Variants in LPIN2 observed in about 807,000 individuals in gnomAD.
The protein encoded by LPIN2 is phosphatidate phosphatase LPIN2.
In LPIN2, 55 loss-of-function variants were observed where a neutral mutation model predicts 111.4. The observed-to-expected ratio is 0.49, with a 90% CI of 0.40 to 0.62. The LOEUF is 0.62. LPIN2 is among the 20% of genes least tolerant of loss of function. LPIN2 has a pLI of 0.00. For synonymous variants in LPIN2, 425 were observed against 414.0 expected, an observed-to-expected ratio of 1.03 and a Z score of -0.32; for missense variants, 992 against 1,112.1, an observed-to-expected ratio of 0.89 and a Z score of 1.54.
intron 2 of LPIN2, among the ~76,000 whole-genome samples, chr18:2,957,375 G>T (rs569127212): frequency 6.6e-6 from 1 of 152,146 alleles, no homozygotes; most frequent in South Asian, 2.1e-4. Flanking sequence ...CACTTCAGAC[G>T]TCAGATTTTC....
intron 1 of LPIN2, among the ~76,000 whole-genome samples, chr18:2,964,555 C>T (rs562595534): frequency 6.6e-4 from 101 of 152,284 alleles, no homozygotes; most frequent in African/African-American, 2.3e-3. Flanking sequence ...AGCAAGAAGT[C>T]TGCAAACCAG....
In LPIN2 at chr18:2,969,958, T is replaced by C. The variant is rs550269910; in HGVS notation, c.-9-9109A>G. The stretch of plus-strand genomic sequence containing the variant: ...AAGTGTGGATCAGAAGTGGAAGCAA[T>C]AGATAGTAATAGAATTTTAGACATT... On this transcript the variant is annotated intron_variant, in intron 1 of 19. Transcript: ENST00000677752. Among the ~76,000 whole-genome samples the C allele has an allele frequency of 4.6e-5, 7 of 151,986 alleles. No homozygotes were observed. The South Asian group carries it at 1.5e-3, about 32-fold the overall frequency.
rs1427331421 is a variant in LPIN2 at position 2,931,359 on chromosome 18, A to G, written c.1353T>C (p.Ala451=). 3 of 1,613,910 alleles carry G rather than the reference A, an allele frequency of 1.9e-6. No homozygotes were observed. Among genetic ancestry groups the G allele is most frequent in the Non-Finnish European group, 2.5e-6 (3 of 1,179,930 alleles). Residue 451 remains alanine (A), a synonymous_variant, in exon 9 of 20, where the codon GCT becomes GCC. Transcript: ENST00000677752. Reference sequence around the variant, plus strand: ...AGAGGCACTCGGTGCCGCTATCTGCAGCTGCGCTTCCCACGGACTGTGGGG... The same window carrying G: ...AGAGGCACTCGGTGCCGCTATCTGCGGCTGCGCTTCCCACGGACTGTGGGG... ...SQSPQSVGSA[A]ADSGTECLSD...
Position 2,939,498 on chromosome 18 carries a change from T to A in LPIN2, c.804A>T (p.Gly268=), listed in dbSNP as rs1312759858. ...SESHMEWTWG[G]FPESTKVSKR... Reference sequence around the variant, plus strand: ...CTAGTACCTTGGTGGACTCTGGGAATCCGCCCCACGTCCACTCCATGTGAG... The same window carrying A: ...CTAGTACCTTGGTGGACTCTGGGAAACCGCCCCACGTCCACTCCATGTGAG... The change falls in exon 6 of 20, where the codon GGA becomes GGT. Residue 268 remains glycine, a synonymous_variant. Transcript: ENST00000677752. 1.2e-6 allele frequency: 2 copies of A among 1,613,854 alleles called. No homozygotes were observed. Among genetic ancestry groups the A allele is most frequent in the African/African-American group, 1.3e-5 (1 of 74,936 alleles).
chr18:2,933,676 G>C (rs1311452107), intron 8 of LPIN2, among the ~76,000 whole-genome samples: 2 of 152,218 alleles, frequency 1.3e-5, no homozygotes, highest in Non-Finnish European at 2.9e-5. Context: ...GTATATTCAA[G>C]TCATACTTTC....
rs1364602099 is a variant in LPIN2 at position 2,919,586 on chromosome 18, G to A, written c.*707C>T. ...TTACAGACATCAAATATATACTTGT[G>A]AGACCTGTTCTTCTGGTGAGGACTA... On this transcript the variant is annotated 3_prime_UTR_variant, in exon 20 of 20. Transcript: ENST00000677752. 1 of 153,810 alleles carries A rather than the reference G, an allele frequency of 6.5e-6. No individual in the cohort carries two copies. Among genetic ancestry groups the A allele is most frequent in the African/African-American group, 2.4e-5 (1 of 41,438 alleles). 9.5% of individuals were successfully genotyped at this position (153,810 alleles called of 1,614,324 possible).
chr18:2,950,002 G>C (rs1006943659), intron 4 of LPIN2, among the ~76,000 whole-genome samples: 3 of 152,080 alleles, frequency 2.0e-5, no homozygotes, highest in Non-Finnish European at 2.9e-5. Flanking sequence ...TTGGGAGGCT[G>C]AGGTGGGAGG....
chr18:2,937,993 T>G lies in LPIN2; in HGVS notation c.867A>C (p.Thr289=), dbSNP rs1229370588. ...AATGAGTATTTTCTGATGGTGTAAT[T>G]GTAGCTGTCCTAGGATGATGGTCAG... ...ERSDHHPRTA[T]ITPSENTHFR... is the part of the protein sequence containing the mutation. Residue 289 remains threonine (T), a synonymous_variant, in exon 7 of 20, where the codon ACA becomes ACC. Coordinates refer to ENST00000677752, the MANE Select transcript of LPIN2 (RefSeq NM_001375808.2). 1.9e-6 allele frequency: 3 copies of G among 1,614,156 alleles called. No individual in the cohort carries two copies. Among genetic ancestry groups the G allele is most frequent in the Non-Finnish European group, 2.5e-6 (3 of 1,180,030 alleles).
chr18:2,946,454 G>A (rs759375686), intron 4 of LPIN2: 2 of 1,440,628 alleles, frequency 1.4e-6, no homozygotes, highest in South Asian at 1.1e-5. Context: ...TGGAACGCCT[G>A]GGTGATATGT....
At chr18:2,986,874 T>G (rs769049306) in intron 1 of LPIN2, among the ~76,000 whole-genome samples, 1 of 152,322 alleles carries the variant, frequency 6.6e-6, no homozygotes, top group South Asian at 2.1e-4. Flanking sequence ...GTCACAACTT[T>G]TGGACAACAT....
At chr18:3,002,232 A>C (rs7228587) in intron 1 of LPIN2, among the ~76,000 whole-genome samples, 20,224 of 132,608 alleles carry the variant, frequency 0.15, 1,462 homozygotes, top group East Asian at 0.27. Context: ...GACCTTCAAA[A>C]GACCAAAAAA....
chr18:2,944,399 T>C (rs2077416378), intron 4 of LPIN2, among the ~76,000 whole-genome samples: 1 of 126,306 alleles, frequency 7.9e-6, no homozygotes, highest in Admixed American at 9.7e-5. Context: ...TCGCCCAGGC[T>C]GGAGTGCAGT....
At chr18:2,934,813 C>G (rs1240647434) in intron 7 of LPIN2, among the ~76,000 whole-genome samples, 1 of 152,206 alleles carries the variant, frequency 6.6e-6, no homozygotes, top group East Asian at 1.9e-4. Flanking sequence ...GAGGGCATTA[C>G]TCTAAAACCA....
chr18:2,971,423 C>T (rs567999288), intron 1 of LPIN2, among the ~76,000 whole-genome samples: 1 of 152,088 alleles, frequency 6.6e-6, no homozygotes, highest in Non-Finnish European at 1.5e-5. Context: ...TGCCCAAGGC[C>T]CCCTGCCCTC....
rs1224779773 is a variant in LPIN2, at chr18:2,958,141, C to CAAAAAAAAAAA, written c.192+2497_192+2507dup. ...TGGGCGACAAAGCGAGACTCCATCT[C>CAAAAAAAAAAA]AAAAAAAAAAAAAAAACAACAAAAA... On this transcript the variant is annotated intron_variant, in intron 2 of 19. Coordinates refer to ENST00000677752, the MANE Select transcript of LPIN2 (RefSeq NM_001375808.2). Among the ~76,000 whole-genome samples, 79 of 11,920 alleles carry CAAAAAAAAAAA rather than the reference C, an allele frequency of 6.6e-3. 12 individuals carry two copies. The highest frequency in any genetic ancestry group is 0.02 in the East Asian group (4 of 204). 7.8% of individuals were successfully genotyped at this position (11,920 alleles called of 152,430 possible).
rs778851275 is a variant in LPIN2 at position 2,954,616 on chromosome 18, G to A, written c.193-17C>T. The A allele has an allele frequency of 7.2e-6, 11 of 1,529,736 alleles. No homozygotes were observed. Among genetic ancestry groups the A allele is most frequent in the Non-Finnish European group, 1.0e-5 (11 of 1,102,988 alleles). The allele number at this position is 1,529,736 out of a possible 1,614,324, so 94.8% of individuals were successfully genotyped here. On this transcript the variant is annotated splice_polypyrimidine_tract_variant and intron_variant, in intron 2 of 19. Coordinates refer to ENST00000677752, the MANE Select transcript of LPIN2 (RefSeq NM_001375808.2). The stretch of plus-strand genomic sequence containing the variant: ...TATATCAATCTATGGGAGAAACAAA[G>A]TATGACTTAATGTTCAAGGAGTCTT...
intron 1 of LPIN2, among the ~76,000 whole-genome samples, chr18:2,997,880 G>A (rs1250909084): frequency 6.6e-6 from 1 of 152,170 alleles, no homozygotes; most frequent in Non-Finnish European, 1.5e-5. Context: ...CTGCTAGATC[G>A]GTAAGCATGA....
rs562075898 is a variant in LPIN2 at position 2,951,286 on chromosome 18, G to T, written c.359C>A (p.Thr120Asn). 14 of 1,614,120 alleles carry T rather than the reference G, an allele frequency of 8.7e-6. No individual in the cohort carries two copies. In the East Asian group the frequency reaches 2.7e-4, roughly 31 times the overall value. ...TEDQFFKDID[T>N]PLVKSGGDET... ...ATCTCCACCCGATTTCACCAAAGGGGTGTCAATATCTTTAAAGAACTGATC... is the reference window on the plus strand; with the variant it reads ...ATCTCCACCCGATTTCACCAAAGGGTTGTCAATATCTTTAAAGAACTGATC... Residue 120 changes from threonine (T) to asparagine (N), a missense_variant, in exon 4 of 20, where the codon ACC becomes AAC. Physicochemically the swap from Thr to Asn is moderately conservative, Grantham distance 65. This residue lies in a region of LPIN2 where 709 missense variants were observed against 753.2 expected (regional missense o/e 0.94). Coordinates refer to ENST00000677752, the MANE Select transcript of LPIN2 (RefSeq NM_001375808.2).
chr18:2,951,034 T>C (rs2077527655), intron 4 of LPIN2, 21 bp downstream of exon 4: 2 of 1,613,648 alleles, frequency 1.2e-6, no homozygotes, highest in East Asian at 2.2e-5. Flanking sequence ...CACAAGACCC[T>C]TCCCAGGCTG....
Sources: gnomAD v4.1 joint callset for allele counts (sites outside exome capture counted in the v4.1 genomes callset) on GRCh38, gnomAD v4.1.1 for gene constraint, gnomAD v4.1.1 regional missense constraint, MANE v1.5 for transcripts, NCBI Gene and HGNC (gene_info 2026-07-23, HGNC 2026-07-21) for gene names.